Variants in NAV1 observed in about 807,000 individuals in gnomAD.
NAV1 encodes neuron navigator 1, also known as pore membrane and/or filament interacting like protein 3.
A neutral mutation model predicts 175.2 loss-of-function variants in NAV1; 18 were observed. The observed-to-expected ratio is 0.10, with a 90% CI of 0.07 to 0.15. The LOEUF (loss-of-function observed/expected upper bound fraction) is 0.15, where lower values mean the gene tolerates loss of function less well. Among genes scored for constraint, NAV1 ranks in the 10% least tolerant of loss-of-function variants. NAV1 has a pLI of 1.00. For synonymous variants in NAV1, 897 were observed against 978.7 expected (o/e 0.92, Z 1.56); for missense variants, 1,731 against 2,436.6 (o/e 0.71, Z 6.10).
chr1:201,597,297 C>A (rs1667373698), intron 2 of NAV1, among the ~76,000 whole-genome samples: 1 of 152,230 alleles, frequency 6.6e-6, no homozygotes, highest in South Asian at 2.1e-4. Flanking sequence ...GCAGTCCCAT[C>A]TGGCTTCCCA....
rs1678803942 is a variant in NAV1, at chr1:201,813,265, C to T, written c.5340+7C>T. On this transcript the variant is annotated splice_region_variant and intron_variant, in intron 28 of 29. Coordinates refer to ENST00000367296, the Ensembl canonical transcript of NAV1. This position sits in a 1 kb window ranked among gnomAD's most constrained non-coding sequence, Gnocchi z 4.2. ...AGCCAAGGATGGGATAAAGGTGAGCCCTACCCCCTTCACTCAAACCCTAAG... is the reference window on the plus strand; with the variant it reads ...AGCCAAGGATGGGATAAAGGTGAGCTCTACCCCCTTCACTCAAACCCTAAG... The T allele has an allele frequency of 6.4e-7, 1 of 1,567,520 alleles. No homozygotes were observed. The highest frequency in any genetic ancestry group is 1.7e-5 in the Admixed American group (1 of 59,180).
At chr1:201,766,519 C>G (rs1350433853) in intron 3 of NAV1, among the ~76,000 whole-genome samples, 1 of 137,366 alleles carries the variant, frequency 7.3e-6, no homozygotes, top group African/African-American at 2.8e-5. Flanking sequence ...TTCACTCTGA[C>G]TCTTCTATTA....
intron 8 of NAV1, among the ~76,000 whole-genome samples, chr1:201,785,843 A>G (rs1369018998): frequency 1.6e-5 from 2 of 124,682 alleles, no homozygotes; most frequent in African/African-American, 6.2e-5. Context: ...CCCAGGCTGG[A>G]GTGCAGTGGC....
intron 3 of NAV1, among the ~76,000 whole-genome samples, chr1:201,764,816 G>A (rs7527583): frequency 0.35 from 53,590 of 152,094 alleles, 9,659 homozygotes; most frequent in African/African-American, 0.38. Flanking sequence ...AGAATTTTAT[G>A]TATAACTGCA....
chr1:201,647,403 G>A (rs561654635), upstream of NAV1, among the ~76,000 whole-genome samples: 2 of 152,286 alleles, frequency 1.3e-5, no homozygotes, highest in African/African-American at 2.4e-5. Context: ...GCCTCCTCTT[G>A]ATTCCCTAGG....
intron 1 of NAV1, among the ~76,000 whole-genome samples, chr1:201,557,696 A>G (rs1394213916): frequency 1.3e-5 from 2 of 152,220 alleles, no homozygotes; most frequent in African/African-American, 4.8e-5. Context: ...AGAACAAGTA[A>G]TTAAAGCCCA....
chr1:201,566,792 C>G (rs1023631845), intron 1 of NAV1, among the ~76,000 whole-genome samples: 8 of 149,986 alleles, frequency 5.3e-5, no homozygotes, highest in South Asian at 2.1e-4. Context: ...ACATTTCCTT[C>G]TAGGTTGTTT....
At chr1:201,619,342 T>C (rs1383184204), upstream of NAV1, among the ~76,000 whole-genome samples, 8 of 151,932 alleles carry the variant, frequency 5.3e-5, no homozygotes, top group African/African-American at 1.9e-4. Context: ...TGGAGGACAA[T>C]GTAGGTGAGT....
At chr1:201,756,870 T>TTC (rs1288922678) in intron 3 of NAV1, among the ~76,000 whole-genome samples, 3 of 109,896 alleles carry the variant, frequency 2.7e-5, no homozygotes, top group Non-Finnish European at 5.5e-5. Context: ...CTTTCTTTCT[T>TTC]TCTTTCTTTC....
chr1:201,648,759 G>A lies in NAV1; in HGVS notation c.91G>A (p.Gly31Ser), dbSNP rs999193114. 10 of 1,401,944 alleles carry A rather than the reference G, an allele frequency of 7.1e-6. No individual in the cohort carries two copies. Among genetic ancestry groups the A allele is most frequent in the Non-Finnish European group, 8.3e-6 (9 of 1,083,962 alleles). 86.8% of individuals were successfully genotyped at this position (1,401,944 alleles called of 1,614,324 possible). Residue 31 changes from glycine to serine, a missense_variant, in exon 1 of 30, where the codon GGC becomes AGC. Gly to Ser is a moderately conservative substitution (Grantham distance 56). Transcript: ENST00000367296. ...GGGCGCGGACGAACCGCGGGGCGCC[G>A]GCAGGAAGGCGGCAGCGGCGGACGG... is the stretch of plus-strand genomic sequence containing the variant.
chr1:201,806,077 C>T (rs936741351), intron 17 of NAV1, among the ~76,000 whole-genome samples: 18 of 151,234 alleles, frequency 1.2e-4, no homozygotes, highest in African/African-American at 4.4e-4. Flanking sequence ...CTCGGCCTCG[C>T]GGGTTCAAGC....
At chr1:201,693,267 G>A (rs1042349022) in intron 1 of NAV1, among the ~76,000 whole-genome samples, 3 of 152,354 alleles carry the variant, frequency 2.0e-5, no homozygotes, top group African/African-American at 4.8e-5. Flanking sequence ...CAAGTGATAC[G>A]CAGGCTGTGG....
In NAV1 at chr1:201,786,612, T is replaced by C. The variant is rs774154100; in HGVS notation, c.2995+35T>C. ...TTCAGTCACTCACTGTGGCATGGGG[T>C]GAAGCAGGGGTCACCCTGCAGGGTG... On this transcript the variant is annotated intron_variant, in intron 9 of 29. Transcript: ENST00000367296. 1.9e-6 allele frequency: 3 copies of C among 1,596,296 alleles called. No individual in the cohort carries two copies. In the South Asian group the frequency reaches 3.4e-5, roughly 18 times the overall value.
At chr1:201,819,510 G>C (rs971020718) in intron 29 of NAV1, among the ~76,000 whole-genome samples, 2 of 142,988 alleles carry the variant, frequency 1.4e-5, no homozygotes, top group African/African-American at 5.3e-5. Context: ...AGGCTGGAAT[G>C]CAGTGATGAT....
intron 2 of NAV1, among the ~76,000 whole-genome samples, chr1:201,632,780 G>A (rs186712700): frequency 7.2e-5 from 11 of 152,362 alleles, no homozygotes; most frequent in African/African-American, 2.6e-4. Context: ...GTGGGGCAGT[G>A]TGGAGTTTGG....
At chr1:201,595,003 G>A (rs1032759448) in intron 2 of NAV1, among the ~76,000 whole-genome samples, 1 of 152,244 alleles carries the variant, frequency 6.6e-6, no homozygotes, top group Admixed American at 6.5e-5. Flanking sequence ...CGAGGAGGCC[G>A]TTGAGGGGAG....
chr1:201,747,328 T>C (rs1051961683), intron 3 of NAV1, among the ~76,000 whole-genome samples: 1 of 152,236 alleles, frequency 6.6e-6, no homozygotes, highest in Non-Finnish European at 1.5e-5. Flanking sequence ...TTTAAATAGT[T>C]CTATAAGACT....
intron 1 of NAV1, among the ~76,000 whole-genome samples, chr1:201,540,007 C>T (rs1004222264): frequency 6.6e-6 from 1 of 152,182 alleles, no homozygotes; most frequent in South Asian, 2.1e-4. Flanking sequence ...TGGGTGATCA[C>T]GGGGAGCTCA....
chr1:201,625,133 A>G lies in NAV1; in HGVS notation c.-101+1527A>G, dbSNP rs116815101. Reference sequence around the variant, plus strand: ...AAAGGACATCGACATACAAAAACACATGTAGAGCAAGACTGACACGTTGCT... The same window carrying G: ...AAAGGACATCGACATACAAAAACACGTGTAGAGCAAGACTGACACGTTGCT... On this transcript the variant is annotated intron_variant, in intron 1 of 29. Coordinates refer to the NAV1 transcript ENST00000367302. Among the ~76,000 whole-genome samples, 444 of 152,352 alleles carry G rather than the reference A, an allele frequency of 2.9e-3. 4 individuals carry two copies. The highest frequency in any genetic ancestry group is 0.01 in the African/African-American group (420 of 41,588).
Sources: gnomAD v4.1 joint callset for allele counts (sites outside exome capture counted in the v4.1 genomes callset) on GRCh38, gnomAD v4.1.1 for gene constraint, Gnocchi (gnomAD v3.1) non-coding constraint, MANE v1.5 for transcripts, NCBI Gene and HGNC (gene_info 2026-07-23, HGNC 2026-07-21) for gene names.